LLGL2: variants seen among roughly 807,000 people sequenced by gnomAD.
LLGL2 encodes the protein LLGL scribble cell polarity complex component 2, also known as LLGL2, scribble cell polarity complex component.
In LLGL2, 81 loss-of-function variants were observed where a neutral mutation model predicts 123.2. The observed-to-expected ratio is 0.66, with a 90% confidence interval of 0.55 to 0.79. The LOEUF (loss-of-function observed/expected upper bound fraction) is 0.79. Ranked by LOEUF, LLGL2 falls within the 30% of genes least tolerant of loss-of-function variation. The pLI, the probability that LLGL2 is intolerant of heterozygous loss-of-function variation, is 0.00. For synonymous variants in LLGL2, 577 were observed against 594.1 expected, an observed-to-expected ratio of 0.97 and a Z score of 0.42; for missense variants, 1,273 against 1,414.6, an observed-to-expected ratio of 0.90 and a Z score of 1.61.
At chr17:75,539,955 C>T (rs980260561) in intron 1 of LLGL2, among the ~76,000 whole-genome samples, 4 of 152,200 alleles carry the variant, frequency 2.6e-5, no homozygotes, top group African/African-American at 9.7e-5. Flanking sequence ...GTGTCTGTTG[C>T]TCCCCTGTCA....
intron 1 of LLGL2, among the ~76,000 whole-genome samples, chr17:75,526,221 C>T (rs1246103694): frequency 1.3e-5 from 2 of 152,020 alleles, no homozygotes; most frequent in Non-Finnish European, 2.9e-5. Flanking sequence ...GACCCCCTCC[C>T]CACGGGCGGC....
rs192987000 is a variant in LLGL2 at position 75,562,719 on chromosome 17, C to T, written c.531-297C>T. On this transcript the variant is annotated intron_variant, in intron 6 of 25. Coordinates refer to ENST00000392550, the MANE Select transcript of LLGL2 (RefSeq NM_001031803.2). The stretch of plus-strand genomic sequence containing the variant: ...AAGTAGCTGGGGTTATAGCCATGTG[C>T]CACCACGCCCAGCTAATGTTTTATA... 6 of 380,656 alleles carry T rather than the reference C, an allele frequency of 1.6e-5. 1 individual carries two copies. The highest frequency in any genetic ancestry group is 1.5e-4 in the Admixed American group (4 of 26,898). The allele number at this position is 380,656 out of a possible 1,614,324, so 23.6% of individuals were successfully genotyped here.
rs535791240 is a variant in LLGL2, at chr17:75,528,477, A to G, written c.-31+2652A>G. 2.8e-3 allele frequency among the ~76,000 whole-genome samples: 432 copies of G among 152,046 alleles called. 5 individuals are homozygous for G. The highest frequency in any genetic ancestry group is 0.01 in the African/African-American group (422 of 41,502). ...AAAAAGGCCAGGCGTGGTGGCTTACACCTGTAATCTCAGCACTTTGGGAGG... is the reference window on the plus strand; with the variant it reads ...AAAAAGGCCAGGCGTGGTGGCTTACGCCTGTAATCTCAGCACTTTGGGAGG... On this transcript the variant is annotated intron_variant, in intron 1 of 25. Transcript: ENST00000392550.
At chr17:75,571,129 A>G in intron 17 of LLGL2, 29 bp downstream of exon 17, 103 of 776,510 alleles carry the variant, frequency 1.3e-4, no homozygotes, top group Non-Finnish European at 2.0e-4. Context: ...GTTGGGGGGC[A>G]GGGGGTAGTG....
At position 75,549,872 on chromosome 17, in the gene LLGL2, A is replaced by G. The variant is rs2054589059; in HGVS notation, c.76-6174A>G. Among the ~76,000 whole-genome samples the G allele has an allele frequency of 6.6e-6, 1 of 152,216 alleles. No homozygotes were observed. Among genetic ancestry groups the G allele is most frequent in the Admixed American group, 6.5e-5 (1 of 15,286 alleles). On this transcript the variant is annotated intron_variant, in intron 2 of 25. Transcript: ENST00000392550. The surrounding 1 kb of genome is among the most constrained non-coding windows in gnomAD (Gnocchi z 4.0). ...GCTCCCCTTCCGGGACCTGGAAAGG[A>G]GTCCCAGAGCCCAGGAGAGACGGGC...
rs2055015536 is a variant in LLGL2, at chr17:75,558,393, A to C, written c.256-119A>C. ...CCCTCCCTTTCCACAGCTGGGGCTC[A>C]TGGGCCACCCTGGGAGTGGCCAGGG... On this transcript the variant is annotated intron_variant, in intron 4 of 25. Transcript: ENST00000392550. This position sits in a 1 kb window ranked among gnomAD's most constrained non-coding sequence, Gnocchi z 4.0. The C allele has an allele frequency of 5.2e-6, 6 of 1,150,980 alleles. No individual in the cohort carries two copies. The East Asian group carries it at 1.5e-4, about 30-fold the overall frequency. The allele number at this position is 1,150,980 out of a possible 1,614,324, so 71.3% of individuals were successfully genotyped here.
chr17:75,557,942 C>T (rs2054990650), intron 3 of LLGL2: 1 of 637,666 alleles, frequency 1.6e-6, no homozygotes, highest in South Asian at 1.6e-5. Flanking sequence ...TGGGAAAAAT[C>T]TCCCAGGGAT....
At position 75,568,844 on chromosome 17, in the gene LLGL2, G is replaced by T. The variant is rs902079576; in HGVS notation, c.1322+5G>T. 18 of 1,575,434 alleles carry T rather than the reference G, an allele frequency of 1.1e-5. No homozygotes were observed. Among genetic ancestry groups the T allele is most frequent in the Admixed American group, 3.5e-5 (2 of 57,272 alleles). The stretch of plus-strand genomic sequence containing the variant: ...GAGGGACCTGCTGCTCACAGGGTAG[G>T]GTACTTTGATGCTACCCCACCTCTT... On this transcript the variant is annotated splice_donor_5th_base_variant and intron_variant, in intron 12 of 25. Transcript: ENST00000392550.
chr17:75,529,670 G>A (rs1335858555), intron 1 of LLGL2, among the ~76,000 whole-genome samples: 1 of 151,938 alleles, frequency 6.6e-6, no homozygotes, highest in Non-Finnish European at 1.5e-5. Context: ...AGACCATCCT[G>A]GCCAAGATGG....
chr17:75,569,862 G>A (rs2055617728), intron 14 of LLGL2, 101 bp from the exon 15 acceptor site: 2 of 1,265,410 alleles, frequency 1.6e-6, no homozygotes, highest in South Asian at 2.9e-5. Flanking sequence ...GTCCTTCCTT[G>A]AGCCTTGGGC....
At chr17:75,574,768 T>C in intron 25 of LLGL2, 100 bp downstream of exon 25, 1 of 1,590,264 alleles carries the variant, frequency 6.3e-7, no homozygotes, top group Non-Finnish European at 8.6e-7. Flanking sequence ...GGCTGACACG[T>C]GCCCTGATGA....
rs898403343 is a variant in LLGL2, at chr17:75,564,893, A to G, written c.1036+386A>G. 1.3e-5 allele frequency among the ~76,000 whole-genome samples: 2 copies of G among 149,086 alleles called. No individual in the cohort carries two copies. The highest frequency in any genetic ancestry group is 3.0e-5 in the Non-Finnish European group (2 of 67,552). On this transcript the variant is annotated intron_variant, in intron 10 of 25. Transcript: ENST00000392550. This position sits in a 1 kb window ranked among gnomAD's most constrained non-coding sequence, Gnocchi z 4.9. ...AAAAAAAAAAAAGGGCTCTGCACAGATGTTCCTAAGCCTACCACTGTCCTG... is the reference window on the plus strand; with the variant it reads ...AAAAAAAAAAAAGGGCTCTGCACAGGTGTTCCTAAGCCTACCACTGTCCTG...
At chr17:75,570,555 C>CCAG (rs2055656675) in intron 16 of LLGL2, 57 bp downstream of exon 16, 1 of 1,529,856 alleles carries the variant, frequency 6.5e-7, no homozygotes, top group Non-Finnish European at 8.8e-7. Context: ...CTCAGAGCAG[C>CCAG]CAGCAGGGGG....
rs528800910 is a variant in LLGL2 at position 75,549,733 on chromosome 17, C to A, written c.75+6232C>A. 7.7e-4 allele frequency among the ~76,000 whole-genome samples: 117 copies of A among 152,312 alleles called. No individual in the cohort carries two copies. The highest frequency in any genetic ancestry group is 2.7e-3 in the African/African-American group (114 of 41,560). ...GTGCCCACCACTGCCTCCTTCCCACCCCCTGAGGAGTGCCAGGGACTCCTC... is the reference window on the plus strand; with the variant it reads ...GTGCCCACCACTGCCTCCTTCCCACACCCTGAGGAGTGCCAGGGACTCCTC... On this transcript the variant is annotated intron_variant, in intron 2 of 25. Coordinates refer to ENST00000392550, the MANE Select transcript of LLGL2 (RefSeq NM_001031803.2). This position sits in a 1 kb window ranked among gnomAD's most constrained non-coding sequence, Gnocchi z 4.0.
chr17:75,545,326 T>C (rs1390886009), intron 2 of LLGL2, among the ~76,000 whole-genome samples: 2 of 152,158 alleles, frequency 1.3e-5, no homozygotes, highest in African/African-American at 2.4e-5. Context: ...GAAGCATGCA[T>C]TGAGCACTTA....
chr17:75,557,863 A>T, intron 3 of LLGL2: 1 of 456,270 alleles, frequency 2.2e-6, no homozygotes, highest in Non-Finnish European at 4.1e-6. Context: ...GCTCAGGATC[A>T]GGGTGGCAGC....
chr17:75,547,744 G>A lies in LLGL2; in HGVS notation c.75+4243G>A, dbSNP rs562460411. On this transcript the variant is annotated intron_variant, in intron 2 of 25. Coordinates refer to ENST00000392550, the MANE Select transcript of LLGL2 (RefSeq NM_001031803.2). ...GGAGGCTGGGGCAAGAGAATCAGTT[G>A]AACCCTGGAGGCGGAGATTGCAGTG... Among the ~76,000 whole-genome samples the A allele has an allele frequency of 2.6e-5, 4 of 152,044 alleles. No homozygotes were observed. The South Asian group carries it at 8.3e-4, about 32-fold the overall frequency.
At chr17:75,541,456 G>A (rs58275565) in intron 1 of LLGL2, among the ~76,000 whole-genome samples, 22,948 of 152,176 alleles carry the variant, frequency 0.15, 2,134 homozygotes, top group African/African-American at 0.25. Context: ...TTTCCCAGCC[G>A]GTGCCTGTTC....
Position 75,570,207 on chromosome 17 carries a change from A to G in LLGL2, c.1826A>G (p.His609Arg), listed in dbSNP as rs781516709. ...CGGCTCGTGGCCTTCGGCACCAGCCATGGCTTTGGCCTCTTTGACCACCAG... is the reference window on the plus strand; with the variant it reads ...CGGCTCGTGGCCTTCGGCACCAGCCGTGGCTTTGGCCTCTTTGACCACCAG... ...EWRLVAFGTS[H>R]GFGLFDHQQR... Residue 609 changes from histidine (H) to arginine (R), a missense_variant, in exon 15 of 26, where the codon CAT becomes CGT. Physicochemically the swap from His to Arg is conservative, Grantham distance 29. Transcript: ENST00000392550. 6.3e-7 allele frequency: 1 copy of G among 1,598,490 alleles called. No homozygotes were observed. The highest frequency in any genetic ancestry group is 8.5e-7 in the Non-Finnish European group (1 of 1,174,492).
Sources: allele counts gnomAD v4.1 joint callset (sites outside exome capture counted in the v4.1 genomes callset), GRCh38; gene constraint gnomAD v4.1.1; non-coding constraint Gnocchi (gnomAD v3.1); transcripts MANE v1.5; gene names NCBI Gene and HGNC (gene_info 2026-07-23, HGNC 2026-07-21).